LYN: variants seen among roughly 807,000 people sequenced by gnomAD.
LYN encodes LYN proto-oncogene, Src family tyrosine kinase, also known as tyrosine-protein kinase Lyn.
In LYN, 12 loss-of-function variants were observed where a neutral mutation model predicts 65.0. The ratio of observed to expected loss-of-function variants is 0.18; its 90% CI spans 0.12 to 0.30. LYN has a LOEUF of 0.30. Among genes scored for constraint, LYN ranks in the 10% least tolerant of loss-of-function variants. The probability of loss-of-function intolerance (pLI) is 1.00; values close to 1 mark genes in which losing one functional copy is unlikely to be tolerated. For missense variants in LYN, 380 were observed against 623.2 expected (o/e 0.61, Z 4.16); for synonymous variants, 222 against 221.2 (o/e 1.00, Z -0.03).
intron 1 of LYN, among the ~76,000 whole-genome samples, chr8:55,892,093 A>G (rs762570778): frequency 6.6e-6 from 1 of 152,282 alleles, no homozygotes; most frequent in Non-Finnish European, 1.5e-5. Context: ...GTTTGTCAGC[A>G]AAGGCTAAGA....
chr8:55,933,463 ATAAG>A (rs1806327435), intron 1 of LYN, among the ~76,000 whole-genome samples: 1 of 152,228 alleles, frequency 6.6e-6, no homozygotes, highest in Admixed American at 6.5e-5. Flanking sequence ...TTATTTTCTT[ATAAG>A]TAATTTATTC....
Position 55,915,110 on chromosome 8 carries a change from T to A in LYN, c.-5-26745T>A, listed in dbSNP as rs148564241. ...GCTTGTACCCTGTGTTAAAGCCTTA[T>A]CTATTATCTGCTCTTTCTTTTGAAA... On this transcript the variant is annotated intron_variant, in intron 1 of 12. Coordinates refer to ENST00000519728, the MANE Select transcript of LYN (RefSeq NM_002350.4). Among the ~76,000 whole-genome samples, 166 of 152,352 alleles carry A rather than the reference T, an allele frequency of 1.1e-3. 1 individual carries two copies. The highest frequency in any genetic ancestry group is 3.8e-3 in the African/African-American group (158 of 41,570).
At chr8:56,006,815 C>T (rs1808685249) in intron 12 of LYN, among the ~76,000 whole-genome samples, 1 of 152,268 alleles carries the variant, frequency 6.6e-6, no homozygotes, top group African/African-American at 2.4e-5. Context: ...GACAGGCCAA[C>T]ACCAACTATC....
At chr8:55,924,881 G>T (rs772199223) in intron 1 of LYN, among the ~76,000 whole-genome samples, 1 of 151,974 alleles carries the variant, frequency 6.6e-6, no homozygotes, top group South Asian at 2.1e-4. Context: ...TCTCTCTGTT[G>T]CCCAGGCTGC....
chr8:55,912,493 G>A (rs1805664398), intron 1 of LYN, among the ~76,000 whole-genome samples: 2 of 152,184 alleles, frequency 1.3e-5, no homozygotes, highest in African/African-American at 2.4e-5. Context: ...GGGAGGTCGA[G>A]GCAAGCGGAT....
At chr8:55,957,533 G>A (rs1188019068) in intron 8 of LYN, among the ~76,000 whole-genome samples, 3 of 152,188 alleles carry the variant, frequency 2.0e-5, no homozygotes, top group African/African-American at 7.2e-5. Context: ...CAGCTGTGAA[G>A]CCAGGATAAA....
chr8:55,969,791 C>G lies in LYN; in HGVS notation c.1048C>G (p.Gln350Glu). ...LLPKLIDFSAQIAEGMAYIER... is the reference protein window; with the variant it reads ...LLPKLIDFSAEIAEGMAYIER... ...TCCAAAGCTCATTGACTTTTCTGCT[C>G]AGGTAACATATTCAAAAAGCCCCGT... The change falls in exon 10 of 13, where the codon CAG becomes GAG. Residue 350 changes from glutamine (Q) to glutamate (E), a missense_variant and splice_region_variant. By Grantham distance (29) the Gln-to-Glu change is conservative. Around this residue, in one of 2 missense-constraint regions of LYN, gnomAD observed 223 missense variants for 430.0 expected, o/e 0.52. Transcript: ENST00000519728. The G allele has an allele frequency of 1.9e-6, 3 of 1,613,934 alleles. No homozygotes were observed. Among genetic ancestry groups the G allele is most frequent in the Non-Finnish European group, 2.5e-6 (3 of 1,179,826 alleles).
intron 1 of LYN, among the ~76,000 whole-genome samples, chr8:55,921,380 G>C (rs955546998): frequency 1.3e-5 from 2 of 152,192 alleles, no homozygotes; most frequent in Admixed American, 6.5e-5. Context: ...ACAGTCTATC[G>C]AGGAGAGAGC....
intron 1 of LYN, among the ~76,000 whole-genome samples, chr8:55,906,063 G>A (rs1437554167): frequency 6.6e-6 from 1 of 152,188 alleles, no homozygotes; most frequent in Non-Finnish European, 1.5e-5. Context: ...CATCTGATAT[G>A]TGCAGTTACG....
At position 55,898,374 on chromosome 8, in the gene LYN, C is replaced by T. The variant is rs563972026; in HGVS notation, c.-6+18271C>T. Among the ~76,000 whole-genome samples the T allele has an allele frequency of 1.4e-3, 213 of 152,176 alleles. 2 individuals are homozygous for T. Among genetic ancestry groups the T allele is most frequent in the African/African-American group, 4.8e-3 (200 of 41,526 alleles). On this transcript the variant is annotated intron_variant, in intron 1 of 12. Transcript: ENST00000519728. ...CACACTCTTGGCTCACTGCAACCTC[C>T]GCCTTCCGTGTTCAAGCAATCCTCC...
At position 55,997,620 on chromosome 8, in the gene LYN, C is replaced by T. The variant is rs534315591; in HGVS notation, c.1051-726C>T. Among the ~76,000 whole-genome samples, 13 of 152,170 alleles carry T rather than the reference C, an allele frequency of 8.5e-5. No individual in the cohort carries two copies. In the South Asian group the frequency reaches 2.5e-3, roughly 29 times the overall value. The stretch of plus-strand genomic sequence containing the variant: ...GCCCTGCCTCCTAATACTATTGCCT[C>T]GGGGTTCAGGATTGCAACATTTGAA... On this transcript the variant is annotated intron_variant, in intron 10 of 12. Coordinates refer to ENST00000519728, the MANE Select transcript of LYN (RefSeq NM_002350.4).
chr8:55,896,665 T>A (rs11784200), intron 1 of LYN, among the ~76,000 whole-genome samples: 65,910 of 151,810 alleles, frequency 0.43, 14,734 homozygotes, highest in Middle Eastern at 0.57. Flanking sequence ...AAAAAAATTT[T>A]AAAAAAAAGA....
chr8:55,953,415 G>A (rs1025423668), intron 7 of LYN, among the ~76,000 whole-genome samples: 3 of 152,154 alleles, frequency 2.0e-5, no homozygotes, highest in Non-Finnish European at 4.4e-5. Flanking sequence ...GGGAGGCCGA[G>A]GCGGGTGGAT....
At chr8:55,940,298 T>A (rs1272439545) in intron 1 of LYN, 1 of 152,264 alleles carries the variant, frequency 6.6e-6, no homozygotes, top group Non-Finnish European at 1.5e-5. Context: ...CCAGAAGAGT[T>A]TCCCGGACAG....
At chr8:55,977,089 G>T (rs1435068200) in intron 10 of LYN, among the ~76,000 whole-genome samples, 4 of 152,084 alleles carry the variant, frequency 2.6e-5, no homozygotes, top group Non-Finnish European at 5.9e-5. Flanking sequence ...GGAGGCTTAG[G>T]CAGGAGAATC....
rs754163396 is a variant in LYN at position 55,953,881 on chromosome 8, C to T, written c.687C>T (p.Pro229=). 1.2e-6 allele frequency: 2 copies of T among 1,613,782 alleles called. No homozygotes were observed. The highest frequency in any genetic ancestry group is 1.7e-6 in the Non-Finnish European group (2 of 1,179,988). ...GATTGGAGAAGGCTTGTATTAGTCC[C>T]AAGCCACAGAAGCCATGGGATAAAG... ...CRRLEKACIS[P]KPQKPWDKDA... Residue 229 remains proline, a synonymous_variant, in exon 8 of 13, where the codon CCC becomes CCT. Coordinates refer to ENST00000519728, the MANE Select transcript of LYN (RefSeq NM_002350.4).
intron 1 of LYN, among the ~76,000 whole-genome samples, chr8:55,903,123 A>C (rs1367566993): frequency 6.6e-6 from 1 of 152,176 alleles, no homozygotes; most frequent in East Asian, 1.9e-4. Flanking sequence ...CTGGGATTAC[A>C]TGCGTGAGCC....
rs961103996 is a variant in LYN, at chr8:55,988,567, C to T, written c.1051-9779C>T. Among the ~76,000 whole-genome samples the T allele has an allele frequency of 2.6e-5, 4 of 152,044 alleles. No individual in the cohort carries two copies. The East Asian group carries it at 5.8e-4, about 22-fold the overall frequency. ...TCTCAAGCATAGGAAGACAATACAT[C>T]CTTAGAGAGTAAGGTAAACAGTGTC... On this transcript the variant is annotated intron_variant, in intron 10 of 12. Coordinates refer to ENST00000519728, the MANE Select transcript of LYN (RefSeq NM_002350.4).
intron 10 of LYN, among the ~76,000 whole-genome samples, chr8:55,991,472 G>A (rs1808247949): frequency 6.6e-6 from 1 of 152,296 alleles, no homozygotes; most frequent in African/African-American, 2.4e-5. Context: ...CTAGATGACT[G>A]GAAGTCTATC....
Sources: allele counts gnomAD v4.1 joint callset (sites outside exome capture counted in the v4.1 genomes callset), GRCh38; gene constraint gnomAD v4.1.1; regional missense constraint gnomAD v4.1.1; transcripts MANE v1.5; gene names NCBI Gene and HGNC (gene_info 2026-07-23, HGNC 2026-07-21).